NRG1: variants seen among roughly 807,000 people sequenced by gnomAD.
NRG1 encodes the protein pro-neuregulin-1, membrane-bound isoform.
NRG1 carries 18 observed loss-of-function variants against 63.8 expected under a neutral mutation model. That is an observed-to-expected ratio of 0.28 (90% CI 0.19 to 0.42). NRG1 has a LOEUF of 0.42. Among genes scored for constraint, NRG1 ranks in the 10% least tolerant of loss-of-function variants. The pLI is 1.00. For synonymous variants in NRG1, 302 were observed against 301.3 expected (o/e 1.00, Z -0.02); for missense variants, 762 against 814.7 (o/e 0.94, Z 0.79).
intron 1 of NRG1, among the ~76,000 whole-genome samples, chr8:32,113,435 C>T (rs1832299544): frequency 6.6e-6 from 1 of 152,146 alleles, no homozygotes; most frequent in African/African-American, 2.4e-5. Context: ...CAGTTCTCTG[C>T]AGGCAGCCCA....
At chr8:31,851,979 G>C (rs1305472712) in intron 1 of NRG1, among the ~76,000 whole-genome samples, 6 of 137,150 alleles carry the variant, frequency 4.4e-5, no homozygotes, top group African/African-American at 1.1e-4. Flanking sequence ...TGGTGTATAT[G>C]TGCCACATTT....
chr8:31,816,889 A>G (rs1227051752), intron 1 of NRG1, among the ~76,000 whole-genome samples: 1 of 152,170 alleles, frequency 6.6e-6, no homozygotes, highest in Non-Finnish European at 1.5e-5. Flanking sequence ...TTTTATTCAC[A>G]TGCTGATTGA....
intron 1 of NRG1, among the ~76,000 whole-genome samples, chr8:32,350,879 C>T (rs1292656779): frequency 2.0e-5 from 3 of 152,152 alleles, no homozygotes; most frequent in Non-Finnish European, 2.9e-5. Flanking sequence ...CTGTCCAGAT[C>T]AGCGCGGTGT....
At chr8:32,275,637 G>C (rs927447932) in intron 1 of NRG1, among the ~76,000 whole-genome samples, 3 of 152,170 alleles carry the variant, frequency 2.0e-5, no homozygotes, top group Non-Finnish European at 4.4e-5. Flanking sequence ...AGCAAGGAGA[G>C]AGTAGAGGGA....
intron 5 of NRG1, among the ~76,000 whole-genome samples, chr8:32,619,916 A>G (rs942563501): frequency 1.3e-5 from 2 of 152,182 alleles, no homozygotes; most frequent in African/African-American, 4.8e-5. Context: ...GTTTGAAAAT[A>G]TAAACCAGTC....
intron 1 of NRG1, among the ~76,000 whole-genome samples, chr8:31,938,107 A>G (rs966093812): frequency 6.6e-6 from 1 of 152,054 alleles, no homozygotes; most frequent in African/African-American, 2.4e-5. Context: ...GGCTAAACCA[A>G]AACCAGTGCA....
intron 1 of NRG1, among the ~76,000 whole-genome samples, chr8:31,783,644 G>A (rs995003542): frequency 2.6e-5 from 4 of 151,268 alleles, no homozygotes; most frequent in Admixed American, 2.6e-4. Context: ...CCCATCAAGA[G>A]CTGCATAGCT....
At chr8:32,417,888 G>A (rs1252154812) in intron 1 of NRG1, among the ~76,000 whole-genome samples, 6 of 152,118 alleles carry the variant, frequency 3.9e-5, no homozygotes, top group Admixed American at 1.3e-4. Context: ...GATTAGGAAA[G>A]TATATTCACC....
At chr8:32,736,130 G>A (rs1262322579) in intron 6 of NRG1, among the ~76,000 whole-genome samples, 1 of 152,138 alleles carries the variant, frequency 6.6e-6, no homozygotes, top group East Asian at 1.9e-4. Flanking sequence ...GTTAAAGAAG[G>A]CATTCCCTTG....
chr8:31,988,248 G>A (rs1810425802), intron 1 of NRG1, among the ~76,000 whole-genome samples: 1 of 152,046 alleles, frequency 6.6e-6, no homozygotes, highest in Admixed American at 6.6e-5. Flanking sequence ...TGGGTTAATG[G>A]TTGTAACTGG....
chr8:31,738,963 ACCGGGGGTTAGGACTTTAACACACCT>A (rs1195082056), intron 1 of NRG1, among the ~76,000 whole-genome samples: 1 of 152,090 alleles, frequency 6.6e-6, no homozygotes, highest in Non-Finnish European at 1.5e-5. Flanking sequence ...ATTCTGAGGC[ACCGGGGGTTAGGACTTTAACACACCT>A]CCTTTGGGGG....
At chr8:32,472,212 C>A (rs1357746348) in intron 1 of NRG1, among the ~76,000 whole-genome samples, 3 of 152,146 alleles carry the variant, frequency 2.0e-5, no homozygotes, top group Admixed American at 6.5e-5. Flanking sequence ...ACTCTGTCGC[C>A]CAGGCTAGAG....
At chr8:31,877,265 T>A (rs1036604070) in intron 1 of NRG1, among the ~76,000 whole-genome samples, 2 of 152,174 alleles carry the variant, frequency 1.3e-5, no homozygotes, top group Non-Finnish European at 2.9e-5. Flanking sequence ...CCAGCAACAT[T>A]TTTATTGATT....
At chr8:31,709,043 A>G (rs66660820) in intron 1 of NRG1, among the ~76,000 whole-genome samples, 43,305 of 152,002 alleles carry the variant, frequency 0.28, 7,200 homozygotes, top group Non-Finnish European at 0.36. Context: ...TAGTCTGCAC[A>G]GCAAATCTCC....
intron 1 of NRG1, among the ~76,000 whole-genome samples, chr8:31,966,876 C>A (rs1045084963): frequency 6.6e-6 from 1 of 152,014 alleles, no homozygotes; most frequent in African/African-American, 2.4e-5. Flanking sequence ...ACCATGAAAT[C>A]ATAGCTAAAG....
chr8:31,765,120 T>C lies in NRG1; in HGVS notation c.37+125689T>C, dbSNP rs1011763131. Among the ~76,000 whole-genome samples, 5 of 152,170 alleles carry C rather than the reference T, an allele frequency of 3.3e-5. 1 individual carries two copies. Among genetic ancestry groups the C allele is most frequent in the African/African-American group, 1.2e-4 (5 of 41,428 alleles). Reference sequence around the variant, plus strand: ...TTATAAGTGTTACTGTTTTCAATTTTGGTGTTCACATATATATTGCTAGTA... The same window carrying C: ...TTATAAGTGTTACTGTTTTCAATTTCGGTGTTCACATATATATTGCTAGTA... On this transcript the variant is annotated intron_variant, in intron 1 of 10. Coordinates refer to the NRG1 transcript ENST00000519301.
chr8:31,733,313 C>A (rs1330061324), intron 1 of NRG1, among the ~76,000 whole-genome samples: 1 of 152,014 alleles, frequency 6.6e-6, no homozygotes, highest in Non-Finnish European at 1.5e-5. Flanking sequence ...ATAAAGATTT[C>A]TCTTCCTTTG....
At position 31,640,896 on chromosome 8, in the gene NRG1, G is replaced by T. The variant is rs968237100; in HGVS notation, c.37+1465G>T. On this transcript the variant is annotated intron_variant, in intron 1 of 10. Transcript: ENST00000519301. This position sits in a 1 kb window ranked among gnomAD's most constrained non-coding sequence, Gnocchi z 6.3. ...AGCGATCCTCAGAGAGGGAGGTTTC[G>T]CTTTCTCCAGCTTCCCTTGTCTTAG... 6.6e-6 allele frequency among the ~76,000 whole-genome samples: 1 copy of T among 152,194 alleles called. No homozygotes were observed. Among genetic ancestry groups the T allele is most frequent in the Non-Finnish European group, 1.5e-5 (1 of 68,024 alleles).
chr8:32,215,634 C>G (rs1845139980), intron 1 of NRG1, among the ~76,000 whole-genome samples: 1 of 152,186 alleles, frequency 6.6e-6, no homozygotes, highest in Non-Finnish European at 1.5e-5. Flanking sequence ...TGCCTCTATA[C>G]TTAATCAATA....
Sources: allele counts gnomAD v4.1 joint callset (sites outside exome capture counted in the v4.1 genomes callset), GRCh38; gene constraint gnomAD v4.1.1; non-coding constraint Gnocchi (gnomAD v3.1); transcripts MANE v1.5; gene names NCBI Gene and HGNC (gene_info 2026-07-23, HGNC 2026-07-21).